TECR: variants seen among roughly 807,000 people sequenced by gnomAD.
TECR encodes trans-2,3-enoyl-CoA reductase.
TECR carries 19 observed loss-of-function variants against 50.6 expected under a neutral mutation model. The observed-to-expected ratio is 0.38, with a 90% confidence interval of 0.26 to 0.55. The LOEUF is 0.55. Among genes scored for constraint, TECR ranks in the 20% least tolerant of loss-of-function variants. The pLI is 0.79. For missense variants in TECR, 313 were observed against 408.3 expected (o/e 0.77, Z 2.01); for synonymous variants, 168 against 163.5 (o/e 1.03, Z -0.21).
Position 14,563,761 on chromosome 19 carries a change from G to A in TECR, c.164-39G>A, listed in dbSNP as rs1190346346. 1.2e-6 allele frequency: 2 copies of A among 1,612,224 alleles called. No homozygotes were observed. Among genetic ancestry groups the A allele is most frequent in the South Asian group, 1.1e-5 (1 of 91,036 alleles). ...GGCTCCTGGGTGGCAGTGGGAGAAG[G>A]CCCGGGTAGCCCCTGAGCCCTGGCC... On this transcript the variant is annotated intron_variant, in intron 4 of 12. Transcript: ENST00000215567. This position sits in a 1 kb window ranked among gnomAD's most constrained non-coding sequence, Gnocchi z 5.3.
intron 1 of TECR, among the ~76,000 whole-genome samples, chr19:14,542,374 T>TTTTTTTTTTTC (rs1469315066): frequency 5.1e-5 from 6 of 117,250 alleles, no homozygotes; most frequent in African/African-American, 2.0e-4. Context: ...TTTTTTTTTT[T>TTTTTTTTTTTC]TTCTGAGATG....
intron 1 of TECR, among the ~76,000 whole-genome samples, chr19:14,561,547 C>T (rs757597919): frequency 1.9e-4 from 29 of 152,116 alleles, no homozygotes; most frequent in Admixed American, 2.6e-4. Context: ...ACGCAGGAAG[C>T]GCCGGGCTTT....
chr19:14,565,523 A>G, intron 11 of TECR, 95 bp from the exon 12 acceptor site: 2 of 1,536,010 alleles, frequency 1.3e-6, no homozygotes, highest in South Asian at 1.2e-5. Flanking sequence ...CTGACTCAGA[A>G]AGCAGGGGCG....
At chr19:14,530,379 C>T (rs979926511) in intron 1 of TECR, 7 of 153,264 alleles carry the variant, frequency 4.6e-5, no homozygotes, top group African/African-American at 1.7e-4. Context: ...AAAACGAAGT[C>T]TTCTGATGTG....
In TECR at chr19:14,565,853, C is replaced by T. The variant is rs754397949; in HGVS notation, c.909C>T (p.Ile303=). The T allele has an allele frequency of 1.9e-6, 3 of 1,595,350 alleles. No homozygotes were observed. Among genetic ancestry groups the T allele is most frequent in the South Asian group, 1.1e-5 (1 of 89,242 alleles). Residue 303 remains isoleucine (I), a synonymous_variant, in exon 13 of 13, where the codon ATC becomes ATT. Transcript: ENST00000215567. ...FRDYPPLRMP[I]IPFLL ...ACTACCCGCCCCTGCGCATGCCCAT[C>T]ATCCCCTTCCTGCTCTGAGCGCTCA...
rs535532827 is a variant in TECR at position 14,564,569 on chromosome 19, C to T, written c.490-217C>T. On this transcript the variant is annotated intron_variant, in intron 7 of 12. Transcript: ENST00000215567. The stretch of plus-strand genomic sequence containing the variant: ...CCCCAGCCCCGCCCCTGCAGAGCCC[C>T]GCCCCAGTTTCACCCCTAGGCCCCT... 70 of 591,322 alleles carry T rather than the reference C, an allele frequency of 1.2e-4. No individual in the cohort carries two copies. In the East Asian group the frequency reaches 1.9e-3, roughly 16 times the overall value. The allele number at this position is 591,322 out of a possible 1,614,324, so 36.6% of individuals were successfully genotyped here. A position where few individuals can be genotyped will look rare whatever the true frequency, so the allele number is the denominator to read the frequency against.
chr19:14,528,252 C>CT (rs71166752), upstream of TECR, among the ~76,000 whole-genome samples: 21,629 of 133,240 alleles, frequency 0.16, 1,860 homozygotes, highest in African/African-American at 0.22. Context: ...TTTCTTTTTT[C>CT]TTTTTTTTTT....
In TECR at chr19:14,564,335, AC is replaced by A; in HGVS notation, c.489+52del. ...CCCCTAAGCCCCGCCTTTCTGCCCC[AC>A]CCCGCCCCGCCCCCACCGAGCCCCA... On this transcript the variant is annotated intron_variant, in intron 7 of 12. Transcript: ENST00000215567. 8.3e-6 allele frequency: 8 copies of A among 959,738 alleles called. No homozygotes were observed. The South Asian group carries it at 1.5e-4, about 18-fold the overall frequency. 59.5% of individuals were successfully genotyped at this position (959,738 alleles called of 1,614,324 possible).
intron 1 of TECR, among the ~76,000 whole-genome samples, chr19:14,533,759 C>T (rs1351088338): frequency 6.6e-6 from 1 of 150,734 alleles, no homozygotes; most frequent in East Asian, 1.9e-4. Flanking sequence ...GGTGAAGCCT[C>T]TCTCTAGAAC....
At chr19:14,536,968 CGAG>C (rs1441905955) in intron 1 of TECR, among the ~76,000 whole-genome samples, 4 of 49,580 alleles carry the variant, frequency 8.1e-5, no homozygotes, top group Non-Finnish European at 3.8e-5. Context: ...GAGGAGGGGC[CGAG>C]GAGGGGGCGG....
intron 11 of TECR, 83 bp from the exon 12 acceptor site, chr19:14,565,535 C>T (rs1482745568): frequency 7.8e-6 from 12 of 1,545,300 alleles, no homozygotes; most frequent in South Asian, 4.7e-5. Flanking sequence ...GCAGGGGCGG[C>T]GGGAGGTGGC....
chr19:14,563,362 T>C lies in TECR; in HGVS notation c.118+105T>C. On this transcript the variant is annotated intron_variant, in intron 3 of 12. Coordinates refer to ENST00000215567, the MANE Select transcript of TECR (RefSeq NM_138501.6). This position sits in a 1 kb window ranked among gnomAD's most constrained non-coding sequence, Gnocchi z 5.3. Reference sequence around the variant, plus strand: ...CCCCTCTCCCAGGGGCCTGCAGAGATGCCCCAGTGTGGCCCAGGCTTCTGG... The same window carrying C: ...CCCCTCTCCCAGGGGCCTGCAGAGACGCCCCAGTGTGGCCCAGGCTTCTGG... 1.8e-6 allele frequency: 2 copies of C among 1,139,690 alleles called. No homozygotes were observed. The highest frequency in any genetic ancestry group is 2.6e-6 in the Non-Finnish European group (2 of 769,032). 70.6% of individuals were successfully genotyped at this position (1,139,690 alleles called of 1,614,324 possible).
chr19:14,550,212 A>C (rs778777246), intron 1 of TECR, among the ~76,000 whole-genome samples: 1 of 152,024 alleles, frequency 6.6e-6, no homozygotes, highest in Non-Finnish European at 1.5e-5. Flanking sequence ...CCTTACCTGC[A>C]AAAGAGGATG....
At chr19:14,540,150 C>T (rs1416066885) in intron 1 of TECR, among the ~76,000 whole-genome samples, 1 of 151,858 alleles carries the variant, frequency 6.6e-6, no homozygotes, top group Non-Finnish European at 1.5e-5. Flanking sequence ...AGCTCCACCT[C>T]CCAGGTTCAC....
chr19:14,552,728 G>T (rs1482203292), intron 1 of TECR, among the ~76,000 whole-genome samples: 2 of 151,830 alleles, frequency 1.3e-5, no homozygotes, highest in African/African-American at 4.8e-5. Flanking sequence ...AGTAGAGACG[G>T]GGTTTCACTG....
intron 1 of TECR, among the ~76,000 whole-genome samples, chr19:14,552,439 G>T (rs1462618286): frequency 6.6e-6 from 1 of 151,976 alleles, no homozygotes; most frequent in Non-Finnish European, 1.5e-5. Flanking sequence ...ACTCACATGG[G>T]CACTTCCAGG....
intron 1 of TECR, among the ~76,000 whole-genome samples, chr19:14,535,644 C>G (rs1778989676): frequency 8.1e-6 from 1 of 123,674 alleles, no homozygotes; most frequent in South Asian, 2.7e-4. Flanking sequence ...ATCCCAGGTA[C>G]TCGAGAGACT....
intron 1 of TECR, among the ~76,000 whole-genome samples, chr19:14,549,136 C>T (rs900826742): frequency 5.3e-5 from 8 of 151,488 alleles, no homozygotes; most frequent in South Asian, 2.1e-4. Flanking sequence ...GTTGCCCTAT[C>T]GGCTGTAGTT....
At chr19:14,552,435 A>G (rs2073560357) in intron 1 of TECR, among the ~76,000 whole-genome samples, 1 of 152,040 alleles carries the variant, frequency 6.6e-6, no homozygotes, top group South Asian at 2.1e-4. Flanking sequence ...GGACACTCAC[A>G]TGGGCACTTC....
Sources: gnomAD v4.1 joint callset for allele counts (sites outside exome capture counted in the v4.1 genomes callset) on GRCh38, gnomAD v4.1.1 for gene constraint, Gnocchi (gnomAD v3.1) non-coding constraint, MANE v1.5 for transcripts, NCBI Gene and HGNC (gene_info 2026-07-23, HGNC 2026-07-21) for gene names.